The following CCDC77 variants were observed in gnomAD, a reference collection of about 807,000 sequenced individuals.
CCDC77 encodes the protein coiled-coil domain-containing protein 77.
CCDC77 carries 56 observed loss-of-function variants against 66.8 expected under a neutral mutation model. That is an observed-to-expected ratio of 0.84 (90% CI 0.68 to 1.05). The LOEUF (loss-of-function observed/expected upper bound fraction) is 1.05, where lower values mean the gene tolerates loss of function less well. Among genes scored for constraint, CCDC77 ranks in the 50% least tolerant of loss-of-function variants. The pLI is 0.00. For missense variants in CCDC77, 570 were observed against 576.8 expected (o/e 0.99, Z 0.12); for synonymous variants, 196 against 195.2 (o/e 1.00, Z -0.03).
chr12:412,047 G>T, intron 4 of CCDC77, 69 bp downstream of exon 4: 6 of 1,130,160 alleles, frequency 5.3e-6, no homozygotes, highest in Non-Finnish European at 7.8e-6. Flanking sequence ...CCCTACAAGT[G>T]CCAGTTTATA....
Position 440,614 on chromosome 12 carries a change from T to C in CCDC77, c.1042-3T>C. 2 of 1,613,858 alleles carry C rather than the reference T, an allele frequency of 1.2e-6. No individual in the cohort carries two copies. The highest frequency in any genetic ancestry group is 1.7e-6 in the Non-Finnish European group (2 of 1,179,948). On this transcript the variant is annotated splice_region_variant and splice_polypyrimidine_tract_variant and intron_variant, in intron 10 of 12. Transcript: ENST00000239830. ...TAATGTTTTTTGTCCCTTTGACTTGTAGTCCCTAAAAGATAAGTTAGTACA... is the reference window on the plus strand; with the variant it reads ...TAATGTTTTTTGTCCCTTTGACTTGCAGTCCCTAAAAGATAAGTTAGTACA...
chr12:407,928 C>T (rs1354521594), intron 2 of CCDC77, among the ~76,000 whole-genome samples: 3 of 151,744 alleles, frequency 2.0e-5, no homozygotes, highest in Admixed American at 6.6e-5. Flanking sequence ...GCTGGGACTA[C>T]GGGTGCCTGC....
chr12:426,445 G>C (rs1354030719), intron 5 of CCDC77, among the ~76,000 whole-genome samples: 1 of 152,144 alleles, frequency 6.6e-6, no homozygotes, highest in African/African-American at 2.4e-5. Context: ...TTTTGTATGG[G>C]TCATACTGAG....
In CCDC77 at chr12:431,961, A is replaced by G; in HGVS notation, c.672+7A>G. The G allele has an allele frequency of 6.3e-7, 1 of 1,594,836 alleles. No individual in the cohort carries two copies. The highest frequency in any genetic ancestry group is 1.1e-5 in the South Asian group (1 of 90,282). ...ACAGACACTCATCCTACAGGTAAAG[A>G]ATGTATTTTGGCAGACCAAGATGGC... On this transcript the variant is annotated splice_region_variant and intron_variant, in intron 8 of 12. Coordinates refer to ENST00000239830, the MANE Select transcript of CCDC77 (RefSeq NM_032358.4).
At chr12:412,890 C>T (rs1291661184) in intron 4 of CCDC77, among the ~76,000 whole-genome samples, 1 of 152,166 alleles carries the variant, frequency 6.6e-6, no homozygotes, top group African/African-American at 2.4e-5. Context: ...CACACCGTTA[C>T]TCCATCCGTA....
At chr12:419,430 CTGTG>C (rs10589883) in intron 5 of CCDC77, among the ~76,000 whole-genome samples, 10 of 118,746 alleles carry the variant, frequency 8.4e-5, no homozygotes, top group African/African-American at 1.5e-4. Flanking sequence ...CAGTGCTCTT[CTGTG>C]TGTGTGTGCT....
At chr12:400,269 C>A (rs575741543), upstream of CCDC77, among the ~76,000 whole-genome samples, 39 of 152,228 alleles carry the variant, frequency 2.6e-4, no homozygotes, top group Non-Finnish European at 4.6e-4. Context: ...GATCTTCTAT[C>A]CAGACCACTC....
At chr12:401,139 T>G (rs1484101353), upstream of CCDC77, among the ~76,000 whole-genome samples, 1 of 152,210 alleles carries the variant, frequency 6.6e-6, no homozygotes, top group Non-Finnish European at 1.5e-5. Flanking sequence ...GAAGCAGTGT[T>G]TGCTATGGAA....
intron 5 of CCDC77, among the ~76,000 whole-genome samples, chr12:424,477 C>T (rs1945492653): frequency 6.6e-6 from 1 of 151,272 alleles, no homozygotes; most frequent in African/African-American, 2.4e-5. Context: ...CTATGCCTGG[C>T]TAATTTATTT....
chr12:436,203 C>T (rs1359183587), intron 9 of CCDC77, among the ~76,000 whole-genome samples: 8 of 150,428 alleles, frequency 5.3e-5, no homozygotes, highest in East Asian at 2.0e-4. Flanking sequence ...CTGCAAGCTC[C>T]GCCTCCCGGG....
intron 5 of CCDC77, among the ~76,000 whole-genome samples, chr12:423,620 C>T (rs1945478288): frequency 6.6e-6 from 1 of 151,228 alleles, no homozygotes; most frequent in Non-Finnish European, 1.5e-5. Context: ...CCTCAGCCTC[C>T]CAGTTAGTTG....
At chr12:423,496 T>TTG (rs1228987314) in intron 5 of CCDC77, among the ~76,000 whole-genome samples, 6 of 73,748 alleles carry the variant, frequency 8.1e-5, no homozygotes, top group Non-Finnish European at 1.6e-4. Context: ...TTTGTTTTGT[T>TTG]TTTTTTTTTT....
At position 442,184 on chromosome 12, in the gene CCDC77, C is replaced by T; in HGVS notation, c.*264C>T. 1 of 341,326 alleles carries T rather than the reference C, an allele frequency of 2.9e-6. No individual in the cohort carries two copies. Among genetic ancestry groups the T allele is most frequent in the Non-Finnish European group, 5.3e-6 (1 of 187,082 alleles). The allele number at this position is 341,326 out of a possible 1,614,324, so 21.1% of individuals were successfully genotyped here. A position where few individuals can be genotyped will look rare whatever the true frequency, so the allele number is the denominator to read the frequency against. On this transcript the variant is annotated 3_prime_UTR_variant, in exon 13 of 13. Transcript: ENST00000239830. ...GACTTGGAGGCTTTCATTATTTATC[C>T]TGTCTGTATTGACCGGTTTTTGTTT...
chr12:418,634 C>G lies in CCDC77; in HGVS notation c.411C>G (p.Ile137Met). Residue 137 changes from isoleucine (I) to methionine (M), a missense_variant and splice_region_variant, in exon 5 of 13, where the codon ATC becomes ATG. Coordinates refer to ENST00000239830, the MANE Select transcript of CCDC77 (RefSeq NM_032358.4). ...RLYSENDRLR[I>M]RELEDKKKIQ... ...ACTCAGAAAATGACCGACTGAGAAT[C>G]AGGTACCAAATAGGAGAAGGGAAAT... 1 of 1,612,910 alleles carries G rather than the reference C, an allele frequency of 6.2e-7. No homozygotes were observed. Among genetic ancestry groups the G allele is most frequent in the South Asian group, 1.1e-5 (1 of 90,630 alleles).
rs188279658 is a variant in CCDC77 at position 411,098 on chromosome 12, T to C, written c.39-649T>C. On this transcript the variant is annotated intron_variant, in intron 3 of 12. Transcript: ENST00000239830. ...ACCATTCCTGGCTCTAACATGTATT[T>C]TGAATCCAGCTTTAAACCATTAGTA... Among the ~76,000 whole-genome samples, 887 of 152,276 alleles carry C rather than the reference T, an allele frequency of 5.8e-3. 7 individuals carry two copies. Among genetic ancestry groups the C allele is most frequent in the African/African-American group, 0.02 (831 of 41,544 alleles).
At chr12:420,272 AAT>A (rs1197755618) in intron 5 of CCDC77, among the ~76,000 whole-genome samples, 23 of 14,776 alleles carry the variant, frequency 1.6e-3, no homozygotes, top group African/African-American at 1.3e-3. Context: ...TGAGAGGGTA[AAT>A]ACACACATAG....
intron 10 of CCDC77, among the ~76,000 whole-genome samples, chr12:439,782 A>G (rs552925886): frequency 7.0e-6 from 1 of 141,966 alleles, no homozygotes; most frequent in East Asian, 2.0e-4. Context: ...TCCGTCTCAG[A>G]AAAAAAAAAA....
chr12:390,569 A>C (rs534988109), intron 1 of CCDC77, among the ~76,000 whole-genome samples: 1 of 152,278 alleles, frequency 6.6e-6, no homozygotes, highest in South Asian at 2.1e-4. Context: ...AGAACAAAAG[A>C]CTGACCTTCC....
chr12:434,356 T>TC (rs1219160179), intron 9 of CCDC77, among the ~76,000 whole-genome samples: 11 of 149,408 alleles, frequency 7.4e-5, no homozygotes, highest in Admixed American at 3.3e-4. Context: ...TTTCTTTCTT[T>TC]TTTTTTTTTT....
Sources: allele counts gnomAD v4.1 joint callset (sites outside exome capture counted in the v4.1 genomes callset), GRCh38; gene constraint gnomAD v4.1.1; transcripts MANE v1.5; gene names NCBI Gene and HGNC (gene_info 2026-07-23, HGNC 2026-07-21).